ANO4: variants seen among roughly 807,000 people sequenced by gnomAD.
The protein encoded by ANO4 is anoctamin 4.
Under a neutral mutation model 141.9 loss-of-function variants are expected in ANO4, and 69 were observed. The ratio of observed to expected loss-of-function variants is 0.49; its 90% CI spans 0.40 to 0.59. The LOEUF is 0.59. Ranked by LOEUF, ANO4 falls within the 20% of genes least tolerant of loss-of-function variation. The pLI, the probability that ANO4 is intolerant of heterozygous loss-of-function variation, is 0.00. For synonymous variants in ANO4, 350 were observed against 394.3 expected (o/e 0.89, Z 1.33); for missense variants, 894 against 1,162.2 (o/e 0.77, Z 3.36).
intron 1 of ANO4, among the ~76,000 whole-genome samples, chr12:100,890,240 A>G (rs767860096): frequency 6.6e-6 from 1 of 152,214 alleles, no homozygotes; most frequent in Non-Finnish European, 1.5e-5. Context: ...ATCATAACTC[A>G]TCAGAAGTTC....
intron 5 of ANO4, among the ~76,000 whole-genome samples, chr12:100,944,242 T>C (rs926562644): frequency 6.6e-6 from 1 of 152,190 alleles, no homozygotes; most frequent in Non-Finnish European, 1.5e-5. Flanking sequence ...AGTGTTTAGC[T>C]ACCAGAATTT....
At chr12:101,048,082 A>C in intron 13 of ANO4, 1 of 1,176,504 alleles carries the variant, frequency 8.5e-7, no homozygotes, top group Non-Finnish European at 1.1e-6. Context: ...TCTTAGTAGC[A>C]CTATTGGGGA....
intron 1 of ANO4, among the ~76,000 whole-genome samples, chr12:100,801,008 T>G (rs1049127049): frequency 1.2e-4 from 18 of 152,216 alleles, no homozygotes; most frequent in African/African-American, 3.9e-4. Flanking sequence ...CCATCCTTAT[T>G]GACTTCTTTT....
chr12:101,002,714 G>T (rs948067888), intron 8 of ANO4, among the ~76,000 whole-genome samples: 4 of 152,126 alleles, frequency 2.6e-5, no homozygotes, highest in Admixed American at 1.3e-4. Context: ...GGGCCCATTA[G>T]CCTCTGTAAA....
intron 5 of ANO4, among the ~76,000 whole-genome samples, chr12:100,944,791 A>G (rs1047831440): frequency 6.6e-6 from 1 of 152,226 alleles, no homozygotes; most frequent in South Asian, 2.1e-4. Context: ...GCCATAAATA[A>G]TTAAAAGAAA....
chr12:101,096,901 T>C (rs2050006666), intron 19 of ANO4, among the ~76,000 whole-genome samples: 2 of 152,192 alleles, frequency 1.3e-5, no homozygotes, highest in Non-Finnish European at 2.9e-5. Flanking sequence ...ATGTGAGTGA[T>C]GCATTGAAAA....
intron 1 of ANO4, among the ~76,000 whole-genome samples, chr12:100,802,167 C>T (rs908325951): frequency 5.9e-5 from 9 of 152,064 alleles, no homozygotes; most frequent in African/African-American, 2.2e-4. Flanking sequence ...TGGAAAACCC[C>T]CTGGGTCTTT....
At chr12:100,744,250 A>G (rs935417205) in intron 3 of ANO4, among the ~76,000 whole-genome samples, 3 of 152,170 alleles carry the variant, frequency 2.0e-5, no homozygotes, top group South Asian at 4.1e-4. Flanking sequence ...TAATGCTGGC[A>G]TAGTCTCATT....
At chr12:100,732,611 G>A (rs543395785) in intron 1 of ANO4, among the ~76,000 whole-genome samples, 5 of 152,058 alleles carry the variant, frequency 3.3e-5, no homozygotes, top group East Asian at 3.9e-4. Flanking sequence ...TGTCTTTGGC[G>A]TTATATCTAA....
chr12:101,054,872 G>A (rs2136692939), intron 14 of ANO4, among the ~76,000 whole-genome samples: 1 of 152,038 alleles, frequency 6.6e-6, no homozygotes, highest in South Asian at 2.1e-4. Context: ...TTTTACCACT[G>A]TAGTTTCAGC....
Position 101,128,236 on chromosome 12 carries a change from T to TATTC in ANO4, c.*382_*385dup, listed in dbSNP as rs2051407557. On this transcript the variant is annotated 3_prime_UTR_variant, in exon 28 of 28. Coordinates refer to ENST00000392977, the MANE Select transcript of ANO4 (RefSeq NM_001286615.2). ...TTTACAGACACTGGGCTAAAAAGGG[T>TATTC]ATTCAGACACATGGACACACATTCC... The TATTC allele has an allele frequency of 1.3e-5, 2 of 152,662 alleles. No individual in the cohort carries two copies. The highest frequency in any genetic ancestry group is 3.9e-4 in the East Asian group (2 of 5,192). The allele number at this position is 152,662 out of a possible 1,614,324, so 9.5% of individuals were successfully genotyped here. A position where few individuals can be genotyped will look rare whatever the true frequency, so the allele number is the denominator to read the frequency against.
intron 1 of ANO4, among the ~76,000 whole-genome samples, chr12:100,812,161 A>G (rs1361123745): frequency 6.6e-6 from 1 of 152,198 alleles, no homozygotes. Flanking sequence ...TCTGGCATAA[A>G]GTAGGAGCTC....
chr12:100,857,311 AT>A (rs1414887179), intron 1 of ANO4, among the ~76,000 whole-genome samples: 1 of 151,914 alleles, frequency 6.6e-6, no homozygotes, highest in Non-Finnish European at 1.5e-5. Flanking sequence ...AGAATCAGAT[AT>A]TTTTTTGGAT....
At chr12:101,109,962 A>G in intron 22 of ANO4, among the ~76,000 whole-genome samples, 1 of 152,122 alleles carries the variant, frequency 6.6e-6, no homozygotes, top group East Asian at 1.9e-4. Flanking sequence ...ATATTCTTTC[A>G]TACAAATTGT....
intron 8 of ANO4, among the ~76,000 whole-genome samples, chr12:100,999,897 A>T (rs548177324): frequency 8.7e-4 from 131 of 150,874 alleles, no homozygotes; most frequent in African/African-American, 3.1e-3. Flanking sequence ...AAAAAAAAAA[A>T]CTTTAGCCAG....
chr12:100,742,436 T>G (rs2031911854), intron 3 of ANO4, among the ~76,000 whole-genome samples: 1 of 152,152 alleles, frequency 6.6e-6, no homozygotes. Flanking sequence ...TTTTTGCTTC[T>G]TTTGCTAGTT....
intron 8 of ANO4, among the ~76,000 whole-genome samples, chr12:100,988,267 G>A (rs1300960443): frequency 1.3e-5 from 2 of 152,074 alleles, no homozygotes; most frequent in Non-Finnish European, 2.9e-5. Flanking sequence ...GAGCCTGTGA[G>A]GAACTGCAAA....
At chr12:101,110,621 G>T in intron 23 of ANO4, 65 bp downstream of exon 23, 1 of 1,331,490 alleles carries the variant, frequency 7.5e-7, no homozygotes. Flanking sequence ...AATTTTAAAA[G>T]CCACAAACTT....
chr12:101,066,954 G>T, intron 14 of ANO4: 4 of 649,240 alleles, frequency 6.2e-6, no homozygotes, highest in South Asian at 2.8e-5. Context: ...GACTTTGTGT[G>T]ACTACATGAC....
Sources: allele counts gnomAD v4.1 joint callset (sites outside exome capture counted in the v4.1 genomes callset), GRCh38; gene constraint gnomAD v4.1.1; transcripts MANE v1.5; gene names NCBI Gene and HGNC (gene_info 2026-07-23, HGNC 2026-07-21).